ZNF69: variants seen among roughly 807,000 people sequenced by gnomAD.
The protein encoded by ZNF69 is zinc finger protein 69, also known as ZNF3.
In ZNF69, 47 loss-of-function variants were observed where a neutral mutation model predicts 50.9. That is an observed-to-expected ratio of 0.92 (90% CI 0.73 to 1.18). The LOEUF is 1.18. Among genes scored for constraint, ZNF69 ranks in the 50% most tolerant of loss-of-function variants. The probability of loss-of-function intolerance (pLI) is 0.00; values close to 1 mark genes in which losing one functional copy is unlikely to be tolerated. For missense variants in ZNF69, 717 were observed against 675.1 expected, an observed-to-expected ratio of 1.06 and a Z score of -0.69; for synonymous variants, 216 against 223.1, an observed-to-expected ratio of 0.97 and a Z score of 0.29.
chr19:11,951,250 T>G, the ZNF69 span, among the ~76,000 whole-genome samples: 3 of 149,022 alleles, frequency 2.0e-5, no homozygotes, highest in Non-Finnish European at 4.4e-5. Context: ...TTTTTTTTTC[T>G]GATAGTCTCA....
Position 11,887,881 on chromosome 19 carries a change from C to G in ZNF69, c.-43C>G. 6.3e-7 allele frequency: 1 copy of G among 1,589,792 alleles called. No homozygotes were observed. Among genetic ancestry groups the G allele is most frequent in the Non-Finnish European group, 8.6e-7 (1 of 1,161,690 alleles). ...CGGTCTTTCCAGCCCCGAGAGGGACCTGGTTCCTCTGCCCAGGCTTCTGTC... is the reference window on the plus strand; with the variant it reads ...CGGTCTTTCCAGCCCCGAGAGGGACGTGGTTCCTCTGCCCAGGCTTCTGTC... On this transcript the variant is annotated 5_prime_UTR_variant, in exon 1 of 4. Transcript: ENST00000429654.
downstream of ZNF69, among the ~76,000 whole-genome samples, chr19:11,919,099 G>A (rs910782806): frequency 3.9e-5 from 6 of 151,910 alleles, no homozygotes; most frequent in Admixed American, 1.3e-4. Flanking sequence ...GTTTCATCGT[G>A]TTAGCCAGGA....
At chr19:11,967,878 G>A in the ZNF69 span, among the ~76,000 whole-genome samples, 16 of 152,268 alleles carry the variant, frequency 1.1e-4, no homozygotes, top group Non-Finnish European at 2.2e-4. Flanking sequence ...GGCTGACAGC[G>A]TCACAAAATT....
chr19:11,978,273 G>C, the ZNF69 span: 2 of 1,613,926 alleles, frequency 1.2e-6, no homozygotes, highest in African/African-American at 2.7e-5. Flanking sequence ...AGTTGGCATA[G>C]GTAACTCATC....
At position 11,905,845 on chromosome 19, in the gene ZNF69, G is replaced by A. The variant is rs758719804; in HGVS notation, c.1448G>A (p.Cys483Tyr). The A allele has an allele frequency of 2.3e-4, 364 of 1,613,950 alleles. No homozygotes were observed. Among genetic ancestry groups the A allele is most frequent in the Admixed American group, 1.3e-4 (8 of 59,990 alleles). ...SGERPYKCKL[C>Y]GKGFYCPKSL... ...GAAAGACCTTATAAATGTAAGCTATGTGGGAAAGGCTTTTATTGTCCCAAA... is the reference window on the plus strand; with the variant it reads ...GAAAGACCTTATAAATGTAAGCTATATGGGAAAGGCTTTTATTGTCCCAAA... The change falls in exon 4 of 4, where the codon TGT becomes TAT. Residue 483 changes from cysteine (C) to tyrosine (Y), a missense_variant. Cys to Tyr is a radical substitution (Grantham distance 194, BLOSUM62 -2). Coordinates refer to ENST00000429654, the MANE Select transcript of ZNF69 (RefSeq NM_001364730.1).
In ZNF69 at chr19:11,905,798, A is replaced by G. The variant is rs969463312; in HGVS notation, c.1401A>G (p.Thr467=). Residue 467 remains threonine, a synonymous_variant, in exon 4 of 4, where the codon ACA becomes ACG. Coordinates refer to ENST00000429654, the MANE Select transcript of ZNF69 (RefSeq NM_001364730.1). ...KNLQSHERTQ[T]HVRIHSGERP... The stretch of plus-strand genomic sequence containing the variant: ...TTCAAAGTCATGAAAGGACACAAAC[A>G]CACGTAAGAATACACTCTGGAGAAA... The G allele has an allele frequency of 6.2e-7, 1 of 1,613,510 alleles. No homozygotes were observed. The highest frequency in any genetic ancestry group is 8.5e-7 in the Non-Finnish European group (1 of 1,179,938).
At chr19:11,894,016 G>C (rs999425655) in intron 1 of ZNF69, among the ~76,000 whole-genome samples, 1 of 152,220 alleles carries the variant, frequency 6.6e-6, no homozygotes, top group Non-Finnish European at 1.5e-5. Context: ...AGCAAGATAT[G>C]CATGGGGGTA....
chr19:11,935,866 G>C, the ZNF69 span, among the ~76,000 whole-genome samples: 26,884 of 152,056 alleles, frequency 0.18, 5,097 homozygotes, highest in African/African-American at 0.48. Flanking sequence ...CAGCCCTCCA[G>C]CCCCTGACAG....
At chr19:11,931,379 T>C in the ZNF69 span, among the ~76,000 whole-genome samples, 1 of 148,118 alleles carries the variant, frequency 6.8e-6, no homozygotes, top group South Asian at 2.1e-4. Context: ...AGAGCACTAA[T>C]CTCATTCAGA....
the ZNF69 span, among the ~76,000 whole-genome samples, chr19:11,931,059 T>A: frequency 6.7e-6 from 1 of 148,172 alleles, no homozygotes; most frequent in Non-Finnish European, 1.5e-5. Flanking sequence ...TCCATTGGTC[T>A]ATCTTTCCAT....
chr19:11,965,806 G>A, the ZNF69 span, among the ~76,000 whole-genome samples: 1 of 152,152 alleles, frequency 6.6e-6, no homozygotes, highest in African/African-American at 2.4e-5. Flanking sequence ...GTCCCGAGGC[G>A]GCTCAAGACA....
chr19:11,896,058 A>G (rs931856949), intron 1 of ZNF69, among the ~76,000 whole-genome samples: 2 of 151,838 alleles, frequency 1.3e-5, no homozygotes, highest in Non-Finnish European at 2.9e-5. Flanking sequence ...TGTCACTACT[A>G]AAAGTACAAA....
At chr19:11,925,959 G>A in the ZNF69 span, among the ~76,000 whole-genome samples, 2 of 152,172 alleles carry the variant, frequency 1.3e-5, no homozygotes, top group East Asian at 1.9e-4. Context: ...AAAGGTGTAA[G>A]TTCCATTGGC....
chr19:11,916,921 C>T (rs536144781), downstream of ZNF69, among the ~76,000 whole-genome samples: 41 of 152,160 alleles, frequency 2.7e-4, no homozygotes, highest in Non-Finnish European at 5.6e-4. Context: ...CCTTTCCACA[C>T]CCCTTACTCT....
the ZNF69 span, chr19:11,949,639 A>G: frequency 6.2e-7 from 1 of 1,614,022 alleles, no homozygotes; most frequent in Non-Finnish European, 8.5e-7. Flanking sequence ...CTATGAATGC[A>G]ACCAATGTGG....
the ZNF69 span, among the ~76,000 whole-genome samples, chr19:11,930,629 C>A: frequency 6.7e-6 from 1 of 148,400 alleles, no homozygotes; most frequent in Non-Finnish European, 1.5e-5. Flanking sequence ...CCATTTGTCC[C>A]TGCTTTTTCT....
At chr19:11,948,181 A>T in the ZNF69 span, 2 of 1,391,806 alleles carry the variant, frequency 1.4e-6, no homozygotes, top group African/African-American at 1.5e-5. Context: ...CTACACTTTG[A>T]TGGACAGTGT....
the ZNF69 span, chr19:11,965,002 T>C: frequency 2.0e-4 from 103 of 515,964 alleles, no homozygotes; most frequent in Non-Finnish European, 3.0e-4. Flanking sequence ...GGCAGGGCCC[T>C]GCCCATTGTT....
the ZNF69 span, among the ~76,000 whole-genome samples, chr19:11,927,729 A>G: frequency 6.6e-6 from 1 of 152,186 alleles, no homozygotes; most frequent in Admixed American, 6.5e-5. Context: ...ATATTGTTAT[A>G]GGTATTGGGA....
Sources: gnomAD v4.1 joint callset for allele counts (sites outside exome capture counted in the v4.1 genomes callset) on GRCh38, gnomAD v4.1.1 for gene constraint, MANE v1.5 for transcripts, NCBI Gene and HGNC (gene_info 2026-07-23, HGNC 2026-07-21) for gene names.